The following ASTN1 variants were observed in gnomAD, a reference collection of about 807,000 sequenced individuals.
ASTN1 encodes astrotactin 1, also known as astrotactin-1.
ASTN1 carries 41 observed loss-of-function variants against 140.7 expected under a neutral mutation model. That is an observed-to-expected ratio of 0.29 (90% CI 0.23 to 0.38). The LOEUF (loss-of-function observed/expected upper bound fraction) is 0.38. Among genes scored for constraint, ASTN1 ranks in the 10% least tolerant of loss-of-function variants. The pLI is 1.00. For synonymous variants in ASTN1, 640 were observed against 652.2 expected (o/e 0.98, Z 0.29); for missense variants, 1,479 against 1,678.8 (o/e 0.88, Z 2.08).
At chr1:176,904,856 A>G (rs971766542) in intron 16 of ASTN1, among the ~76,000 whole-genome samples, 4 of 151,850 alleles carry the variant, frequency 2.6e-5, no homozygotes, top group Admixed American at 2.0e-4. Context: ...ATCAGCCTGG[A>G]CCTCGGCTGA....
In ASTN1 at chr1:177,066,260, T is replaced by G. The variant is rs542982174; in HGVS notation, c.284-4995A>C. 2.6e-5 allele frequency among the ~76,000 whole-genome samples: 4 copies of G among 152,228 alleles called. No individual in the cohort carries two copies. The South Asian group carries it at 8.3e-4, about 32-fold the overall frequency. On this transcript the variant is annotated intron_variant, in intron 1 of 22. Transcript: ENST00000361833. ...ATGTTCCCACTGGACCTCAGGCTGGTGAGAAGGGCTCTCATTCATGCTGGT... is the reference window on the plus strand; with the variant it reads ...ATGTTCCCACTGGACCTCAGGCTGGGGAGAAGGGCTCTCATTCATGCTGGT...
At position 176,926,893 on chromosome 1, in the gene ASTN1, G is replaced by A. The variant is rs865774430; in HGVS notation, c.2671+7259C>T. ...ACACAAGGACAGGTCTAGGCTGTCC[G>A]CATTCACAGAGCAGGATTAGAAGGC... On this transcript the variant is annotated intron_variant, in intron 16 of 22. Transcript: ENST00000361833. Among the ~76,000 whole-genome samples, 5 of 152,182 alleles carry A rather than the reference G, an allele frequency of 3.3e-5. No individual in the cohort carries two copies. In the South Asian group the frequency reaches 6.2e-4, roughly 19 times the overall value.
chr1:176,906,856 A>G (rs1670026721), intron 16 of ASTN1, among the ~76,000 whole-genome samples: 1 of 151,434 alleles, frequency 6.6e-6, no homozygotes, highest in African/African-American at 2.4e-5. Flanking sequence ...AAAAAAAAAA[A>G]AAAAGAAAAA....
intron 2 of ASTN1, among the ~76,000 whole-genome samples, chr1:177,058,965 T>C (rs1677943987): frequency 6.6e-6 from 1 of 152,190 alleles, no homozygotes; most frequent in South Asian, 2.1e-4. Context: ...TGTTTATCTT[T>C]CTGCAGATTC....
In ASTN1 at chr1:176,975,083, C is replaced by A. The variant is rs1448150046; in HGVS notation, c.1524-9846G>T. On this transcript the variant is annotated intron_variant, in intron 8 of 22. Coordinates refer to ENST00000361833, the MANE Select transcript of ASTN1 (RefSeq NM_004319.3). Reference sequence around the variant, plus strand: ...GTCCCCACATGGGAGAAGCTTAGCCCAGAGAACTGTAGTTTCCCTGTATAT... The same window carrying A: ...GTCCCCACATGGGAGAAGCTTAGCCAAGAGAACTGTAGTTTCCCTGTATAT... 2.6e-5 allele frequency among the ~76,000 whole-genome samples: 4 copies of A among 152,250 alleles called. No homozygotes were observed. In the Middle Eastern group the frequency reaches 0.01, roughly 388 times the overall value.
chr1:176,863,009 T>G lies in ASTN1; in HGVS notation c.*1275A>C, dbSNP rs7513341. The G allele has an allele frequency of 0.17, 168,257 of 985,278 alleles. 17,226 individuals are homozygous for G. The highest frequency in any genetic ancestry group is 0.45 in the African/African-American group (25,748 of 57,266). 61.0% of individuals were successfully genotyped at this position (985,278 alleles called of 1,614,324 possible). A position where few individuals can be genotyped will look rare whatever the true frequency, so the allele number is the denominator to read the frequency against. On this transcript the variant is annotated 3_prime_UTR_variant, in exon 23 of 23. Coordinates refer to ENST00000361833, the MANE Select transcript of ASTN1 (RefSeq NM_004319.3). ...AAGGCCATTGCTAGTCAACAGGGCCTTGCCAGGCTCTTTCTGAAAGGCTGG... is the reference window on the plus strand; with the variant it reads ...AAGGCCATTGCTAGTCAACAGGGCCGTGCCAGGCTCTTTCTGAAAGGCTGG...
At chr1:176,896,500 C>T (rs1571473840) in intron 16 of ASTN1, among the ~76,000 whole-genome samples, 1 of 152,144 alleles carries the variant, frequency 6.6e-6, no homozygotes, top group African/African-American at 2.4e-5. Flanking sequence ...CCAAGACTCC[C>T]CCCTCCTCCA....
intron 1 of ASTN1, among the ~76,000 whole-genome samples, chr1:177,160,689 G>T (rs1395541066): frequency 6.6e-6 from 1 of 152,194 alleles, no homozygotes; most frequent in Non-Finnish European, 1.5e-5. Flanking sequence ...TTTGAAAGCT[G>T]AAATATGAAA....
intron 8 of ASTN1, chr1:176,981,453 A>G (rs1673617385): frequency 6.6e-6 from 1 of 152,116 alleles, no homozygotes; most frequent in African/African-American, 2.4e-5. Context: ...GTAATTAGTT[A>G]AGATGAGGTC....
chr1:176,869,984 A>T (rs1156881818), intron 21 of ASTN1, among the ~76,000 whole-genome samples: 1 of 152,174 alleles, frequency 6.6e-6, no homozygotes, highest in Non-Finnish European at 1.5e-5. Context: ...AGTGTAAATG[A>T]GTAATCTTTC....
At chr1:176,966,575 T>C (rs10798489) in intron 8 of ASTN1, among the ~76,000 whole-genome samples, 8,650 of 152,296 alleles carry the variant, frequency 0.057, 315 homozygotes, top group South Asian at 0.1. Flanking sequence ...GTGAATTTTC[T>C]AGGTCCATAA....
At chr1:177,123,625 T>C (rs1681504211) in intron 1 of ASTN1, among the ~76,000 whole-genome samples, 1 of 152,180 alleles carries the variant, frequency 6.6e-6, no homozygotes, top group Non-Finnish European at 1.5e-5. Context: ...CTGGCTACCC[T>C]AACCTCAACC....
chr1:177,002,121 C>T (rs796280743), intron 8 of ASTN1, among the ~76,000 whole-genome samples: 1 of 152,156 alleles, frequency 6.6e-6, no homozygotes, highest in Non-Finnish European at 1.5e-5. Context: ...AAGGCCAACA[C>T]CAATTGGCAA....
rs1668351765 is a variant in ASTN1, at chr1:176,871,703, C to T, written c.3464-2676G>A. Among the ~76,000 whole-genome samples the T allele has an allele frequency of 2.0e-5, 3 of 152,186 alleles. No homozygotes were observed. The South Asian group carries it at 6.2e-4, about 32-fold the overall frequency. On this transcript the variant is annotated intron_variant, in intron 21 of 22. Transcript: ENST00000361833. The stretch of plus-strand genomic sequence containing the variant: ...TAGAGCATGAATATTTCTGGCTCCT[C>T]CTATTTCCACAGAAAGAATTGAGAG...
At chr1:176,989,611 T>C (rs1674065500) in intron 8 of ASTN1, among the ~76,000 whole-genome samples, 1 of 152,136 alleles carries the variant, frequency 6.6e-6, no homozygotes, top group African/African-American at 2.4e-5. Flanking sequence ...TCCCTTCCTA[T>C]AGAGCTTTAT....
chr1:176,953,201 A>T (rs2103122512), intron 11 of ASTN1, among the ~76,000 whole-genome samples: 1 of 152,348 alleles, frequency 6.6e-6, no homozygotes, highest in Non-Finnish European at 1.5e-5. Context: ...AGGCTGGTCA[A>T]ATCTCAGGAA....
chr1:176,999,071 T>C (rs1378240884), intron 8 of ASTN1, among the ~76,000 whole-genome samples: 2 of 152,180 alleles, frequency 1.3e-5, no homozygotes, highest in African/African-American at 4.8e-5. Context: ...CCTTCACTTA[T>C]CAAATAAAAA....
At chr1:177,028,198 G>A (rs546304264) in intron 5 of ASTN1, among the ~76,000 whole-genome samples, 1 of 152,282 alleles carries the variant, frequency 6.6e-6, no homozygotes, top group East Asian at 1.9e-4. Flanking sequence ...CATTACCATG[G>A]ATTTTTCTGA....
At chr1:177,021,447 T>C (rs939725161) in intron 7 of ASTN1, among the ~76,000 whole-genome samples, 10 of 152,200 alleles carry the variant, frequency 6.6e-5, no homozygotes, top group Non-Finnish European at 1.5e-4. Flanking sequence ...GTAATGGTTG[T>C]TTTTTAAATA....
Sources: gnomAD v4.1 joint callset for allele counts (sites outside exome capture counted in the v4.1 genomes callset) on GRCh38, gnomAD v4.1.1 for gene constraint, MANE v1.5 for transcripts, NCBI Gene and HGNC (gene_info 2026-07-23, HGNC 2026-07-21) for gene names.